The following DCAF8L2 variants were observed in gnomAD, a reference collection of about 807,000 sequenced individuals.
DCAF8L2 encodes the protein DDB1 and CUL4 associated factor 8 like 2.
For missense variants in DCAF8L2, 430 were observed against 490.7 expected (o/e 0.88, Z 1.17); for synonymous variants, 200 against 190.9 (o/e 1.05, Z -0.39).
Position 27,682,586 on chromosome X carries a change from T to G in DCAF8L2, c.-143+4674T>G, listed in dbSNP as rs187434050. ...CATTTGTCAATAAAATTCATTTATA[T>G]AATGGAATTATATTGTTTATAGTTG... is the stretch of plus-strand genomic sequence containing the variant. On this transcript the variant is annotated intron_variant, in intron 3 of 4. Transcript: ENST00000451261. 1.7e-4 allele frequency among the ~76,000 whole-genome samples: 19 copies of G among 111,465 alleles called. No individual in the cohort carries two copies. In the East Asian group the frequency reaches 3.7e-3, roughly 22 times the overall value.
chrX:27,616,487 C>T (rs908815895), intron 1 of DCAF8L2, among the ~76,000 whole-genome samples: 1 of 110,848 alleles, frequency 9.0e-6, no homozygotes, highest in Non-Finnish European at 1.9e-5. Context: ...ATTATTACTC[C>T]AGTTATATTC....
At position 27,592,901 on chromosome X, in the gene DCAF8L2, C is replaced by T. The variant is rs769909697; in HGVS notation, c.-342+2461C>T. Among the ~76,000 whole-genome samples, 234 of 109,111 alleles carry T rather than the reference C, an allele frequency of 2.1e-3. 1 individual carries two copies. Among genetic ancestry groups the T allele is most frequent in the African/African-American group, 7.3e-3 (217 of 29,802 alleles). 94.7% of individuals were successfully genotyped at this position (109,111 alleles called of 115,157 possible). On this transcript the variant is annotated intron_variant, in intron 1 of 4. Transcript: ENST00000451261. Reference sequence around the variant, plus strand: ...GCAACCTCCACTTCCCAGGTTCAAGCGATTCTCCCACCTCAGCCTCTCAAG... The same window carrying T: ...GCAACCTCCACTTCCCAGGTTCAAGTGATTCTCCCACCTCAGCCTCTCAAG...
chrX:27,525,483 A>G, the DCAF8L2 span, among the ~76,000 whole-genome samples: 3 of 111,607 alleles, frequency 2.7e-5, no homozygotes, highest in Non-Finnish European at 3.8e-5. Context: ...ACTCTATCCA[A>G]TTTGCCAGTC....
intron 3 of DCAF8L2, among the ~76,000 whole-genome samples, chrX:27,694,256 C>T (rs1341590823): frequency 9.0e-6 from 1 of 111,196 alleles, no homozygotes; most frequent in Non-Finnish European, 1.9e-5. Flanking sequence ...CCACTTACTG[C>T]TCACTACCTG....
At chrX:27,540,259 AAACGGTAAATTTAACAAC>A in the DCAF8L2 span, among the ~76,000 whole-genome samples, 2 of 111,553 alleles carry the variant, frequency 1.8e-5, no homozygotes, top group Non-Finnish European at 3.8e-5. Context: ...CCTTCCCTCT[AAACGGTAAATTTAACAAC>A]ATTTACAGCA....
At chrX:27,518,664 G>A in the DCAF8L2 span, 16 of 204,312 alleles carry the variant, frequency 7.8e-5, no homozygotes, top group East Asian at 1.1e-3. Context: ...ACTTGAACCC[G>A]GGAGGTGGAG....
chrX:27,674,794 T>C (rs913233671), intron 2 of DCAF8L2, among the ~76,000 whole-genome samples: 10 of 111,671 alleles, frequency 9.0e-5, no homozygotes, highest in African/African-American at 3.3e-4. Context: ...CAAAGAAGAT[T>C]TATCTACAAA....
At chrX:27,686,311 T>G (rs951699380) in intron 3 of DCAF8L2, among the ~76,000 whole-genome samples, 6 of 111,523 alleles carry the variant, frequency 5.4e-5, no homozygotes, top group Non-Finnish European at 1.1e-4. Flanking sequence ...CTATTCACAA[T>G]AGACAAGATA....
chrX:27,595,696 T>G (rs890244471), intron 1 of DCAF8L2, among the ~76,000 whole-genome samples: 6 of 112,180 alleles, frequency 5.3e-5, no homozygotes, highest in African/African-American at 1.9e-4. Flanking sequence ...AGCCTCAAGT[T>G]TAGAACACTG....
upstream of DCAF8L2, among the ~76,000 whole-genome samples, chrX:27,588,914 T>C (rs1002949222): frequency 9.0e-6 from 1 of 110,676 alleles, no homozygotes; most frequent in Non-Finnish European, 1.9e-5. Context: ...TAGAAATGAC[T>C]TAAGTAATAT....
At chrX:27,587,985 AATATATATATAT>A (rs202098791), upstream of DCAF8L2, among the ~76,000 whole-genome samples, 2 of 22,369 alleles carry the variant, frequency 8.9e-5, no homozygotes, top group African/African-American at 2.0e-4. Flanking sequence ...TAAAAAAAAA[AATATATATATAT>A]ATATATATAT....
the DCAF8L2 span, among the ~76,000 whole-genome samples, chrX:27,510,175 T>C: frequency 1.7e-3 from 192 of 110,380 alleles, 1 homozygote; most frequent in African/African-American, 5.8e-3. Context: ...CTGCAAAATA[T>C]GCTCTAGGCT....
At chrX:27,606,739 T>C (rs1394150631) in intron 1 of DCAF8L2, among the ~76,000 whole-genome samples, 1 of 110,875 alleles carries the variant, frequency 9.0e-6, no homozygotes, top group African/African-American at 3.3e-5. Context: ...TTTTGGTTAA[T>C]TATTTCCTAC....
At chrX:27,553,020 T>G in the DCAF8L2 span, among the ~76,000 whole-genome samples, 1 of 111,987 alleles carries the variant, frequency 8.9e-6, no homozygotes, top group East Asian at 2.8e-4. Context: ...TTTATTTTAC[T>G]TTTGTAGTTA....
chrX:27,519,586 C>A, the DCAF8L2 span: 1 of 666,744 alleles, frequency 1.5e-6, no homozygotes, highest in Non-Finnish European at 2.5e-6. Flanking sequence ...ACCAGTCATT[C>A]CTCCGACAGA....
intron 2 of DCAF8L2, among the ~76,000 whole-genome samples, chrX:27,634,758 A>G (rs936408760): frequency 9.0e-6 from 1 of 111,112 alleles, no homozygotes; most frequent in Non-Finnish European, 1.9e-5. Flanking sequence ...CATGCACGAA[A>G]TTATTTCAAA....
In DCAF8L2 at chrX:27,748,740, A is replaced by G; in HGVS notation, c.1845A>G (p.Ser615=). ...DEESDESSST[S]ETSEEEVQDR... ...AATCGGATGAGTCTTCCAGCACTTC[A>G]GAGACATCTGAGGAGGAGGTCCAAG... is the stretch of plus-strand genomic sequence containing the variant. The change falls in exon 5 of 5, where the codon TCA becomes TCG. Residue 615 remains serine, a synonymous_variant. Coordinates refer to ENST00000451261, the MANE Select transcript of DCAF8L2 (RefSeq NM_001353450.2). 8.3e-7 allele frequency: 1 copy of G among 1,204,952 alleles called. No homozygotes were observed. Among genetic ancestry groups the G allele is most frequent in the Non-Finnish European group, 1.1e-6 (1 of 891,772 alleles).
At chrX:27,565,971 G>T in the DCAF8L2 span, among the ~76,000 whole-genome samples, 3 of 110,866 alleles carry the variant, frequency 2.7e-5, no homozygotes, top group South Asian at 3.9e-4. Context: ...TAGTGTGCAT[G>T]TGGACCCTTA....
At chrX:27,587,146 A>G (rs768701026), upstream of DCAF8L2, among the ~76,000 whole-genome samples, 2 of 111,829 alleles carry the variant, frequency 1.8e-5, no homozygotes, top group East Asian at 5.6e-4. Context: ...ATATCTATGA[A>G]GGATTTTTAA....
Sources: allele counts gnomAD v4.1 joint callset (sites outside exome capture counted in the v4.1 genomes callset), GRCh38; gene constraint gnomAD v4.1.1; transcripts MANE v1.5; gene names NCBI Gene and HGNC (gene_info 2026-07-23, HGNC 2026-07-21).